CBR4: variants seen among roughly 807,000 people sequenced by gnomAD.
CBR4 encodes carbonyl reductase 4.
A neutral mutation model predicts 21.0 loss-of-function variants in CBR4; 22 were observed. The observed-to-expected ratio is 1.05, with a 90% CI of 0.75 to 1.50. The LOEUF is 1.50. CBR4 is among the 40% of genes most tolerant of loss of function. CBR4 has a pLI of 0.00. For missense variants in CBR4, 302 were observed against 286.3 expected (o/e 1.05, Z -0.40); for synonymous variants, 100 against 104.4 (o/e 0.96, Z 0.26).
At chr4:168,894,772 A>C in intron 2 of CBR4, 1 of 1,545,264 alleles carries the variant, frequency 6.5e-7, no homozygotes, top group South Asian at 1.2e-5. Flanking sequence ...AGTTCTGTGG[A>C]AAGTAGAGGG....
intron 2 of CBR4, chr4:168,925,200 T>G: frequency 6.5e-7 from 1 of 1,540,014 alleles, no homozygotes; most frequent in Non-Finnish European, 8.8e-7. Context: ...GTCAAAAAAA[T>G]TCATATTGCT....
intron 4 of CBR4, chr4:169,001,816 A>T (rs34094943): frequency 0.14 from 30,665 of 218,862 alleles, 2,475 homozygotes; most frequent in African/African-American, 0.22. Context: ...CAGGCCCGAG[A>T]GCCAAATAAG....
chr4:168,980,536 G>GACCA (rs960261724), intron 2 of CBR4, among the ~76,000 whole-genome samples: 8 of 152,150 alleles, frequency 5.3e-5, no homozygotes, highest in African/African-American at 1.7e-4. Flanking sequence ...AGGAGTTCAA[G>GACCA]ACCAGCCTGG....
At chr4:168,995,060 G>A (rs1765125019) in intron 4 of CBR4, among the ~76,000 whole-genome samples, 1 of 152,068 alleles carries the variant, frequency 6.6e-6, no homozygotes, top group Non-Finnish European at 1.5e-5. Flanking sequence ...CCTGGCCTGA[G>A]GTTTCTTTTA....
In CBR4 at chr4:168,988,680, G is replaced by A. The variant is rs1280504561; in HGVS notation, c.*1470C>T. The A allele has an allele frequency of 5.1e-6, 5 of 981,654 alleles. No individual in the cohort carries two copies. The highest frequency in any genetic ancestry group is 1.8e-5 in the African/African-American group (1 of 57,128). The allele number at this position is 981,654 out of a possible 1,614,324, so 60.8% of individuals were successfully genotyped here. On this transcript the variant is annotated 3_prime_UTR_variant, in exon 5 of 5. Transcript: ENST00000306193. ...ATATTACCACGTCTTGCATTTAATA[G>A]ACAATTTGTTTAATGATACTAACTT...
At chr4:168,936,974 A>G (rs1468582433) in intron 2 of CBR4, among the ~76,000 whole-genome samples, 1 of 152,206 alleles carries the variant, frequency 6.6e-6, no homozygotes, top group African/African-American at 2.4e-5. Context: ...CCCAAGATTC[A>G]TAATCATCAA....
intron 2 of CBR4, among the ~76,000 whole-genome samples, chr4:168,962,197 A>C (rs1763883445): frequency 6.6e-6 from 1 of 152,134 alleles, no homozygotes; most frequent in African/African-American, 2.4e-5. Context: ...TAAGTCAAAA[A>C]CTAAGGATTT....
intron 2 of CBR4, among the ~76,000 whole-genome samples, chr4:168,934,036 A>C (rs1482788768): frequency 3.3e-5 from 5 of 152,168 alleles, no homozygotes; most frequent in Admixed American, 3.3e-4. Flanking sequence ...AGTTTACAGC[A>C]ATAAACATCT....
chr4:168,997,611 A>G (rs962727554), intron 4 of CBR4, among the ~76,000 whole-genome samples: 1 of 152,200 alleles, frequency 6.6e-6, no homozygotes, highest in African/African-American at 2.4e-5. Context: ...TTTTTAAACA[A>G]TTTTTTTAAA....
downstream of CBR4, among the ~76,000 whole-genome samples, chr4:168,984,790 C>T (rs183657983): frequency 9.2e-5 from 14 of 152,006 alleles, no homozygotes; most frequent in Admixed American, 7.2e-4. Context: ...TCAACAAAGT[C>T]GACAAAAACA....
At chr4:168,951,058 C>CT (rs1763526525) in intron 2 of CBR4, among the ~76,000 whole-genome samples, 1 of 151,830 alleles carries the variant, frequency 6.6e-6, no homozygotes, top group African/African-American at 2.4e-5. Flanking sequence ...TTCTGTATAT[C>CT]TTTTTTTCTT....
rs937091687 is a variant in CBR4, at chr4:168,920,751, T to C, written n.170-25986A>G. Among the ~76,000 whole-genome samples, 2 of 152,240 alleles carry C rather than the reference T, an allele frequency of 1.3e-5. 1 individual carries two copies. Among genetic ancestry groups the C allele is most frequent in the Non-Finnish European group, 2.9e-5 (2 of 68,036 alleles). On this transcript the variant is annotated intron_variant and non_coding_transcript_variant, in intron 2 of 3. Transcript: ENST00000509108. ...GGGTAATTTCGTATTGCTCTTGTTA[T>C]TCAGTTTCAAGGATTATAAAATAAT...
chr4:168,991,816 T>A (rs1241955132), intron 4 of CBR4, among the ~76,000 whole-genome samples: 1 of 152,094 alleles, frequency 6.6e-6, no homozygotes, highest in Non-Finnish European at 1.5e-5. Context: ...TAGAAAAAAA[T>A]TTTTAAGGTC....
At position 169,009,924 on chromosome 4, in the gene CBR4, G is replaced by A. The variant is rs776940096; in HGVS notation, c.142+24C>T. On this transcript the variant is annotated intron_variant, in intron 1 of 4. Transcript: ENST00000306193. ...GCGCCTGGACCGCGGCCATACAACTGGACAACTCCAGTTTGGTACCTACCG... is the reference window on the plus strand; with the variant it reads ...GCGCCTGGACCGCGGCCATACAACTAGACAACTCCAGTTTGGTACCTACCG... The A allele has an allele frequency of 1.9e-5, 30 of 1,602,370 alleles. No individual in the cohort carries two copies. The East Asian group carries it at 2.2e-4, about 12-fold the overall frequency.
chr4:168,896,427 G>A, intron 2 of CBR4: 2 of 677,012 alleles, frequency 3.0e-6, no homozygotes, highest in Non-Finnish European at 5.3e-6. Flanking sequence ...AGTACTCACA[G>A]CACCGTTACT....
At chr4:168,904,891 C>G (rs1757304343) in intron 2 of CBR4, among the ~76,000 whole-genome samples, 1 of 152,040 alleles carries the variant, frequency 6.6e-6, no homozygotes, top group African/African-American at 2.4e-5. Context: ...CTTTGGGAGG[C>G]TGAGGCAGGT....
In CBR4 at chr4:168,988,617, A is replaced by G. The variant is rs866722246; in HGVS notation, c.*1533T>C. On this transcript the variant is annotated 3_prime_UTR_variant, in exon 5 of 5. Transcript: ENST00000306193. ...AACCATTCTGAGTGCTGCATTTCCT[A>G]TATGTGCCTAGACTTGGTAATGCCT... The G allele has an allele frequency of 1.4e-5, 14 of 985,298 alleles. No homozygotes were observed. In the South Asian group the frequency reaches 2.3e-4, roughly 17 times the overall value. 61.0% of individuals were successfully genotyped at this position (985,298 alleles called of 1,614,324 possible). A position where few individuals can be genotyped will look rare whatever the true frequency, so the allele number is the denominator to read the frequency against.
chr4:168,999,396 A>C (rs560628291), intron 4 of CBR4, among the ~76,000 whole-genome samples: 16 of 152,160 alleles, frequency 1.1e-4, no homozygotes, highest in African/African-American at 3.6e-4. Context: ...AATCCACAGA[A>C]CTGATTTAAT....
In CBR4 at chr4:168,922,017, T is replaced by C. The variant is rs895122777; in HGVS notation, n.170-27252A>G. The stretch of plus-strand genomic sequence containing the variant: ...GTGTATAGTGGCCCCTAGTGTTACA[T>C]AGAGAAATAGTAACAGCAGCATGGA... On this transcript the variant is annotated intron_variant and non_coding_transcript_variant, in intron 2 of 3. Coordinates refer to the CBR4 transcript ENST00000509108. 1.4e-4 allele frequency among the ~76,000 whole-genome samples: 21 copies of C among 151,416 alleles called. 1 individual carries two copies. The highest frequency in any genetic ancestry group is 2.1e-4 in the Non-Finnish European group (14 of 67,944).
Sources: allele counts gnomAD v4.1 joint callset (sites outside exome capture counted in the v4.1 genomes callset), GRCh38; gene constraint gnomAD v4.1.1; transcripts MANE v1.5; gene names NCBI Gene and HGNC (gene_info 2026-07-23, HGNC 2026-07-21).